The following SSH2 variants were observed in gnomAD, a reference collection of about 807,000 sequenced individuals.
SSH2 encodes the protein slingshot protein phosphatase 2.
SSH2 carries 37 observed loss-of-function variants against 135.2 expected under a neutral mutation model. That is an observed-to-expected ratio of 0.27 (90% CI 0.21 to 0.36). The LOEUF is 0.36. SSH2 is among the 10% of genes least tolerant of loss of function. SSH2 has a pLI of 1.00. For synonymous variants in SSH2, 628 were observed against 646.2 expected (o/e 0.97, Z 0.43); for missense variants, 1,408 against 1,765.3 (o/e 0.80, Z 3.63).
At chr17:29,686,737 C>T (rs770427469) in intron 5 of SSH2, among the ~76,000 whole-genome samples, 7 of 151,986 alleles carry the variant, frequency 4.6e-5, no homozygotes, top group Non-Finnish European at 8.8e-5. Context: ...GGCGTGATCT[C>T]GGCTCACTGC....
chr17:29,854,369 A>C (rs1463364208), intron 1 of SSH2, among the ~76,000 whole-genome samples: 1 of 151,864 alleles, frequency 6.6e-6, no homozygotes, highest in Non-Finnish European at 1.5e-5. Flanking sequence ...ATGGGGACGC[A>C]AAAACTACAA....
intron 2 of SSH2, among the ~76,000 whole-genome samples, chr17:29,842,799 CTTT>C (rs1010657236): frequency 1.3e-5 from 2 of 152,134 alleles, no homozygotes. Flanking sequence ...ACTAGCAACA[CTTT>C]TTTTATCTTT....
intron 3 of SSH2, among the ~76,000 whole-genome samples, chr17:29,736,055 C>T (rs2040352747): frequency 6.6e-6 from 1 of 151,022 alleles, no homozygotes; most frequent in African/African-American, 2.4e-5. Context: ...CGAGATTGCG[C>T]CACTGCAGTC....
intron 2 of SSH2, among the ~76,000 whole-genome samples, chr17:29,799,043 T>C (rs890209044): frequency 6.6e-6 from 1 of 152,246 alleles, no homozygotes; most frequent in Non-Finnish European, 1.5e-5. Flanking sequence ...AACTGTGTTA[T>C]ACTGTGTGTA....
At chr17:29,890,554 T>A (rs2151443519) in intron 1 of SSH2, among the ~76,000 whole-genome samples, 1 of 152,216 alleles carries the variant, frequency 6.6e-6, no homozygotes. Context: ...CAACATATGA[T>A]CCCACTCATA....
In SSH2 at chr17:29,629,114, T is replaced by C. The variant is rs1342194295; in HGVS notation, c.*1727A>G. The stretch of plus-strand genomic sequence containing the variant: ...CTTCAGTTTCAATGAGATGCAGAGG[T>C]GTTTCATGCTAGACTAAATCTGTTT... On this transcript the variant is annotated 3_prime_UTR_variant, in exon 16 of 16. Transcript: ENST00000540801. 6.6e-6 allele frequency: 1 copy of C among 152,198 alleles called. No homozygotes were observed. The highest frequency in any genetic ancestry group is 2.4e-5 in the African/African-American group (1 of 41,444). 9.4% of individuals were successfully genotyped at this position (152,198 alleles called of 1,614,324 possible).
At chr17:29,837,734 G>C (rs1169002761) in intron 2 of SSH2, among the ~76,000 whole-genome samples, 2 of 152,250 alleles carry the variant, frequency 1.3e-5, no homozygotes, top group Admixed American at 6.5e-5. Flanking sequence ...AGGAGCATCA[G>C]GTTTGTTTGC....
At chr17:29,805,037 T>A (rs2042315917) in intron 2 of SSH2, among the ~76,000 whole-genome samples, 2 of 151,766 alleles carry the variant, frequency 1.3e-5, no homozygotes, top group African/African-American at 4.8e-5. Flanking sequence ...CTGTCACATC[T>A]GACAGGCATG....
chr17:29,911,735 A>G (rs1447335146), intron 1 of SSH2, among the ~76,000 whole-genome samples: 1 of 152,202 alleles, frequency 6.6e-6, no homozygotes. Context: ...TCTAATTTCA[A>G]CTTCCTTGGC....
In SSH2 at chr17:29,631,588, T is replaced by C. The variant is rs952655111; in HGVS notation, c.3606A>G (p.Pro1202=). Residue 1202 remains proline, a synonymous_variant, in exon 16 of 16, where the codon CCA becomes CCG. Transcript: ENST00000540801. The stretch of plus-strand genomic sequence containing the variant: ...CGCTACTTAGCTGGGAGTCCTTATA[T>C]GGCACCTCACTGCCACTGGAGAGAG... ...ESPLSSGSEV[P]YKDSQLSSAD... is the part of the protein sequence containing the mutation. 3.1e-6 allele frequency: 5 copies of C among 1,614,198 alleles called. No homozygotes were observed. The highest frequency in any genetic ancestry group is 2.2e-5 in the South Asian group (2 of 91,080).
chr17:29,728,727 A>G (rs1343906404), intron 3 of SSH2, among the ~76,000 whole-genome samples: 1 of 152,196 alleles, frequency 6.6e-6, no homozygotes. Context: ...TATAACACAG[A>G]ATCCAGGAAT....
intron 1 of SSH2, among the ~76,000 whole-genome samples, chr17:29,927,996 C>G (rs1278326363): frequency 6.6e-6 from 1 of 152,174 alleles, no homozygotes; most frequent in African/African-American, 2.4e-5. Flanking sequence ...TGTACACGGT[C>G]TTACTGTATA....
intron 2 of SSH2, among the ~76,000 whole-genome samples, chr17:29,831,926 GTTAT>G (rs1049456974): frequency 2.0e-5 from 3 of 151,900 alleles, no homozygotes; most frequent in African/African-American, 7.3e-5. Context: ...TTCTTCTTTT[GTTAT>G]TTATTTATAT....
intron 3 of SSH2, among the ~76,000 whole-genome samples, chr17:29,786,390 A>G (rs527327281): frequency 3.3e-5 from 5 of 152,318 alleles, no homozygotes; most frequent in African/African-American, 1.2e-4. Context: ...ACTGCAAGGC[A>G]GGAAGGAACC....
chr17:29,692,065 G>A (rs1039227628), intron 5 of SSH2, among the ~76,000 whole-genome samples: 6 of 151,298 alleles, frequency 4.0e-5, no homozygotes, highest in Non-Finnish European at 7.4e-5. Context: ...ACTTGAACTC[G>A]GGAGGCAGAG....
intron 2 of SSH2, among the ~76,000 whole-genome samples, chr17:29,810,136 G>C (rs2042415787): frequency 6.6e-6 from 1 of 152,176 alleles, no homozygotes; most frequent in Non-Finnish European, 1.5e-5. Flanking sequence ...AAGTATTGTA[G>C]GACAGATTCT....
At chr17:29,912,553 C>G (rs1281190459) in intron 1 of SSH2, among the ~76,000 whole-genome samples, 1 of 152,008 alleles carries the variant, frequency 6.6e-6, no homozygotes, top group Non-Finnish European at 1.5e-5. Flanking sequence ...ATAGTGAGAC[C>G]TCATCTCTAC....
chr17:29,737,964 G>C (rs2040426450), intron 3 of SSH2, among the ~76,000 whole-genome samples: 1 of 150,276 alleles, frequency 6.7e-6, no homozygotes, highest in Non-Finnish European at 1.5e-5. Flanking sequence ...TAAGTTCTAG[G>C]GTACATGCGC....
intron 1 of SSH2, among the ~76,000 whole-genome samples, chr17:29,903,201 T>C (rs1189178130): frequency 1.3e-5 from 2 of 149,468 alleles, no homozygotes; most frequent in Non-Finnish European, 3.0e-5. Flanking sequence ...AAAATATATA[T>C]ATACACACAC....
Sources: allele counts gnomAD v4.1 joint callset (sites outside exome capture counted in the v4.1 genomes callset), GRCh38; gene constraint gnomAD v4.1.1; transcripts MANE v1.5; gene names NCBI Gene and HGNC (gene_info 2026-07-23, HGNC 2026-07-21).